The following ASAP2 variants were observed in gnomAD, a reference collection of about 807,000 sequenced individuals.
ASAP2 encodes the protein arf-GAP with SH3 domain, ANK repeat and PH domain-containing protein 2.
Under a neutral mutation model 131.4 loss-of-function variants are expected in ASAP2, and 45 were observed. That is an observed-to-expected ratio of 0.34 (90% CI 0.27 to 0.44). ASAP2 has a LOEUF of 0.44. Ranked by LOEUF, ASAP2 falls within the 20% of genes least tolerant of loss-of-function variation. The pLI is 1.00. For synonymous variants in ASAP2, 510 were observed against 503.0 expected, an observed-to-expected ratio of 1.01 and a Z score of -0.19; for missense variants, 1,011 against 1,297.0, an observed-to-expected ratio of 0.78 and a Z score of 3.39.
chr2:9,259,920 A>G (rs982941511), intron 1 of ASAP2, among the ~76,000 whole-genome samples: 1 of 152,170 alleles, frequency 6.6e-6, no homozygotes, highest in Non-Finnish European at 1.5e-5. Flanking sequence ...GGAGCCGAGT[A>G]TGGAACCCAG....
At chr2:9,208,413 T>G (rs1661298898) in intron 1 of ASAP2, among the ~76,000 whole-genome samples, 1 of 141,182 alleles carries the variant, frequency 7.1e-6, no homozygotes, top group African/African-American at 2.9e-5. Context: ...TTTTTCTGGT[T>G]TTTTTTTTTT....
At chr2:9,313,057 T>C (rs1284090626) in intron 3 of ASAP2, among the ~76,000 whole-genome samples, 7 of 152,108 alleles carry the variant, frequency 4.6e-5, no homozygotes, top group Admixed American at 4.6e-4. Context: ...AAACTGTGTC[T>C]TAAAAAATAA....
At chr2:9,324,968 G>A (rs1332473335) in intron 6 of ASAP2, among the ~76,000 whole-genome samples, 1 of 151,568 alleles carries the variant, frequency 6.6e-6, no homozygotes, top group Non-Finnish European at 1.5e-5. Flanking sequence ...TTTTTTTTAT[G>A]TCTGTCTCGT....
chr2:9,321,671 G>A (rs1670156957), intron 5 of ASAP2, among the ~76,000 whole-genome samples: 1 of 152,164 alleles, frequency 6.6e-6, no homozygotes, highest in Non-Finnish European at 1.5e-5. Context: ...GGTCCTGTGT[G>A]TGACTAGACC....
rs1414764370 is a variant in ASAP2 at position 9,244,574 on chromosome 2, T to TA, written c.127-34740dup. Among the ~76,000 whole-genome samples, 31 of 152,290 alleles carry TA rather than the reference T, an allele frequency of 2.0e-4. No individual in the cohort carries two copies. In the East Asian group the frequency reaches 5.6e-3, roughly 28 times the overall value. ...CCACGGGAAGAGCTTGACACAAACT[T>TA]AAATACCAAACTTAGTTCAGAAGCA... is the stretch of plus-strand genomic sequence containing the variant. On this transcript the variant is annotated intron_variant, in intron 1 of 27. Transcript: ENST00000281419.
chr2:9,263,426 T>A (rs556196685), intron 1 of ASAP2, among the ~76,000 whole-genome samples: 58 of 152,340 alleles, frequency 3.8e-4, no homozygotes, highest in South Asian at 3.5e-3. Flanking sequence ...AGTGGTGATC[T>A]TGCCAAAATG....
At chr2:9,386,953 C>A (rs925693997) in intron 21 of ASAP2, among the ~76,000 whole-genome samples, 2 of 152,142 alleles carry the variant, frequency 1.3e-5, no homozygotes, top group African/African-American at 2.4e-5. Flanking sequence ...GCCTGTAATC[C>A]CAGCACTTTG....
At chr2:9,379,443 C>T (rs1674659929) in intron 19 of ASAP2, among the ~76,000 whole-genome samples, 2 of 152,132 alleles carry the variant, frequency 1.3e-5, no homozygotes, top group Admixed American at 6.5e-5. Context: ...TGGGTTTAGA[C>T]GGATTACAGG....
chr2:9,283,041 G>A (rs1483059848), intron 2 of ASAP2, among the ~76,000 whole-genome samples: 6 of 151,884 alleles, frequency 4.0e-5, no homozygotes, highest in South Asian at 2.1e-4. Flanking sequence ...TGACTTCAGC[G>A]TAGCCCTCTT....
chr2:9,228,247 G>A (rs1054089230), intron 1 of ASAP2, among the ~76,000 whole-genome samples: 2 of 152,164 alleles, frequency 1.3e-5, no homozygotes, highest in African/African-American at 4.8e-5. Context: ...ATCCTTTTGA[G>A]AGAATCATAT....
chr2:9,257,790 C>T (rs554750672), intron 1 of ASAP2, among the ~76,000 whole-genome samples: 1 of 152,310 alleles, frequency 6.6e-6, no homozygotes, highest in African/African-American at 2.4e-5. Context: ...TCCCAAAGTG[C>T]TGGGATTACA....
intron 1 of ASAP2, among the ~76,000 whole-genome samples, chr2:9,276,263 C>G (rs6431995): frequency 0.99 from 151,082 of 152,292 alleles, 74,950 homozygotes; most frequent in Middle Eastern, 1. Flanking sequence ...GTGGAGGTGG[C>G]AAGGCATCAG....
rs1474257290 is a variant in ASAP2 at position 9,207,655 on chromosome 2, G to T, written c.126+425G>T. On this transcript the variant is annotated intron_variant, in intron 1 of 27. Coordinates refer to ENST00000281419, the MANE Select transcript of ASAP2 (RefSeq NM_003887.3). The surrounding 1 kb of genome is among the most constrained non-coding windows in gnomAD (Gnocchi z 4.1). ...GGCAGCTCCGCGCTCCGAGCTCCCC[G>T]CCGCAGCCCCCGAGCGCCGCAGGGC... Among the ~76,000 whole-genome samples the T allele has an allele frequency of 6.6e-6, 1 of 151,922 alleles. No individual in the cohort carries two copies. The highest frequency in any genetic ancestry group is 1.9e-4 in the East Asian group (1 of 5,136).
chr2:9,307,553 G>A (rs1397191978), intron 3 of ASAP2, among the ~76,000 whole-genome samples: 2 of 152,206 alleles, frequency 1.3e-5, no homozygotes, highest in Non-Finnish European at 2.9e-5. Flanking sequence ...TCCCAGAACC[G>A]GCCTTCAGCT....
intron 1 of ASAP2, among the ~76,000 whole-genome samples, chr2:9,275,658 C>T (rs1666715722): frequency 6.6e-6 from 1 of 152,162 alleles, no homozygotes; most frequent in African/African-American, 2.4e-5. Context: ...AACCTTCAAG[C>T]ACAGCTCCCG....
At chr2:9,349,419 T>C (rs1672187127) in intron 11 of ASAP2, among the ~76,000 whole-genome samples, 1 of 152,234 alleles carries the variant, frequency 6.6e-6, no homozygotes, top group South Asian at 2.1e-4. Context: ...TGTAACCATG[T>C]TTCTAGAAAT....
chr2:9,230,997 C>T (rs912806577), intron 1 of ASAP2, among the ~76,000 whole-genome samples: 2 of 152,196 alleles, frequency 1.3e-5, no homozygotes, highest in African/African-American at 2.4e-5. Flanking sequence ...GCAGCACAAA[C>T]CCCTGCCTGT....
chr2:9,340,269 C>A (rs1053508451), intron 9 of ASAP2, among the ~76,000 whole-genome samples: 1 of 152,166 alleles, frequency 6.6e-6, no homozygotes, highest in Non-Finnish European at 1.5e-5. Context: ...GATCTGCCCG[C>A]CTCCGCCTCC....
At chr2:9,221,250 T>G (rs1457121663) in intron 1 of ASAP2, among the ~76,000 whole-genome samples, 1 of 152,076 alleles carries the variant, frequency 6.6e-6, no homozygotes, top group East Asian at 1.9e-4. Flanking sequence ...TTGGGGAGTA[T>G]AGACATCTTA....
Sources: gnomAD v4.1 joint callset for allele counts (sites outside exome capture counted in the v4.1 genomes callset) on GRCh38, gnomAD v4.1.1 for gene constraint, Gnocchi (gnomAD v3.1) non-coding constraint, MANE v1.5 for transcripts, NCBI Gene and HGNC (gene_info 2026-07-23, HGNC 2026-07-21) for gene names.